Variants in PHLPP2 observed in about 807,000 individuals in gnomAD.
PHLPP2 encodes the protein PH domain and leucine rich repeat protein phosphatase 2.
Under a neutral mutation model 124.9 loss-of-function variants are expected in PHLPP2, and 66 were observed. The ratio of observed to expected loss-of-function variants is 0.53; its 90% CI spans 0.43 to 0.65. The LOEUF (loss-of-function observed/expected upper bound fraction) is 0.65, where lower values mean the gene tolerates loss of function less well. PHLPP2 is among the 30% of genes least tolerant of loss of function. PHLPP2 has a pLI of 0.00. For synonymous variants in PHLPP2, 681 were observed against 624.7 expected (o/e 1.09, Z -1.34); for missense variants, 1,685 against 1,600.4 (o/e 1.05, Z -0.90).
At chr16:71,699,239 C>A (rs1021562555) in intron 3 of PHLPP2, among the ~76,000 whole-genome samples, 1 of 152,116 alleles carries the variant, frequency 6.6e-6, no homozygotes, top group African/African-American at 2.4e-5. Flanking sequence ...AGCCAAAAAG[C>A]CTGAAACCTG....
At position 71,679,306 on chromosome 16, in the gene PHLPP2, T is replaced by C. The variant is rs528012885; in HGVS notation, c.1037+83A>G. 4 of 1,252,238 alleles carry C rather than the reference T, an allele frequency of 3.2e-6. No individual in the cohort carries two copies. The South Asian group carries it at 3.7e-5, about 12-fold the overall frequency. The allele number at this position is 1,252,238 out of a possible 1,614,324, so 77.6% of individuals were successfully genotyped here. A position where few individuals can be genotyped will look rare whatever the true frequency, so the allele number is the denominator to read the frequency against. On this transcript the variant is annotated intron_variant, in intron 7 of 18. Coordinates refer to ENST00000568954, the MANE Select transcript of PHLPP2 (RefSeq NM_015020.3). Reference sequence around the variant, plus strand: ...TACATGATATAGTTCACTGCAAGAGTTCAAGATACTACCTTCATTCCAAAC... The same window carrying C: ...TACATGATATAGTTCACTGCAAGAGCTCAAGATACTACCTTCATTCCAAAC...
chr16:71,670,144 G>A (rs2044878293), intron 10 of PHLPP2, among the ~76,000 whole-genome samples: 1 of 152,216 alleles, frequency 6.6e-6, no homozygotes, highest in Non-Finnish European at 1.5e-5. Context: ...GGCAACATGA[G>A]CTAGAGCACA....
chr16:71,665,626 T>A (rs1472297581), intron 12 of PHLPP2, among the ~76,000 whole-genome samples: 1 of 152,214 alleles, frequency 6.6e-6, no homozygotes, highest in Non-Finnish European at 1.5e-5. Flanking sequence ...GTACTGTGTG[T>A]CTGCTTGTGC....
At chr16:71,709,434 A>G (rs911388262) in intron 2 of PHLPP2, among the ~76,000 whole-genome samples, 5 of 152,200 alleles carry the variant, frequency 3.3e-5, no homozygotes, top group Non-Finnish European at 5.9e-5. Context: ...CTGGTTAATG[A>G]AAAAATAAAA....
chr16:71,694,521 T>C (rs575342983), intron 3 of PHLPP2, among the ~76,000 whole-genome samples: 2 of 152,070 alleles, frequency 1.3e-5, no homozygotes, highest in South Asian at 4.2e-4. Flanking sequence ...TTTAAACTTA[T>C]GCACAATAAA....
intron 10 of PHLPP2, 52 bp from the exon 11 acceptor site, chr16:71,669,422 C>G: frequency 7.8e-7 from 1 of 1,290,076 alleles, no homozygotes. Flanking sequence ...AAGTGGAACT[C>G]ATTTCAGTAG....
intron 4 of PHLPP2, among the ~76,000 whole-genome samples, chr16:71,686,044 T>TG (rs1476329190): frequency 1.3e-5 from 2 of 152,224 alleles, no homozygotes; most frequent in African/African-American, 4.8e-5. Context: ...AGGTGGAGGC[T>TG]GCAGTGAGCT....
chr16:71,691,460 C>CAAAT (rs57388026), intron 3 of PHLPP2, among the ~76,000 whole-genome samples: 2,634 of 139,454 alleles, frequency 0.019, 33 homozygotes, highest in Non-Finnish European at 0.029. Context: ...GACGCTGTCT[C>CAAAT]AAATAAATAA....
chr16:71,700,157 G>A (rs1471342519), intron 3 of PHLPP2, among the ~76,000 whole-genome samples: 3 of 152,116 alleles, frequency 2.0e-5, no homozygotes, highest in African/African-American at 7.2e-5. Context: ...AGCACTTTAG[G>A]AGGCCAAGAT....
At chr16:71,699,166 G>C (rs144625959) in intron 3 of PHLPP2, among the ~76,000 whole-genome samples, 12 of 152,154 alleles carry the variant, frequency 7.9e-5, no homozygotes, top group African/African-American at 2.9e-4. Flanking sequence ...AGTTTTGATA[G>C]AGACAGGAGG....
In PHLPP2 at chr16:71,714,601, G is replaced by C. The variant is rs749551255; in HGVS notation, c.195C>G (p.Val65=). ...SSSSSSDLHL[V]LCTVETPASE... ...ATGCTGGTGTCTCTACAGTGCAAAGGACGAGATGTAAGTCAGAGGAAGAGG... is the reference window on the plus strand; with the variant it reads ...ATGCTGGTGTCTCTACAGTGCAAAGCACGAGATGTAAGTCAGAGGAAGAGG... Residue 65 remains valine, a synonymous_variant, in exon 2 of 19, where the codon GTC becomes GTG. Coordinates refer to ENST00000568954, the MANE Select transcript of PHLPP2 (RefSeq NM_015020.3). The C allele has an allele frequency of 3.1e-6, 5 of 1,613,998 alleles. No individual in the cohort carries two copies. In the African/African-American group the frequency reaches 6.7e-5, roughly 22 times the overall value.
chr16:71,656,331 A>G (rs1596988621), intron 16 of PHLPP2, among the ~76,000 whole-genome samples: 1 of 152,186 alleles, frequency 6.6e-6, no homozygotes, highest in South Asian at 2.1e-4. Flanking sequence ...TAAAGAAAGT[A>G]GCATCTACCC....
At chr16:71,672,734 G>A (rs760723405) in intron 9 of PHLPP2, among the ~76,000 whole-genome samples, 3 of 152,124 alleles carry the variant, frequency 2.0e-5, no homozygotes, top group Middle Eastern at 3.2e-3. Context: ...ACCAACACCC[G>A]GATCAAGAAA....
intron 12 of PHLPP2, among the ~76,000 whole-genome samples, chr16:71,666,883 T>A (rs1434156587): frequency 6.6e-6 from 1 of 152,212 alleles, no homozygotes; most frequent in African/African-American, 2.4e-5. Context: ...TCTTTAAATA[T>A]CATAACTATA....
At position 71,644,938 on chromosome 16, in the gene PHLPP2, C is replaced by A; in HGVS notation, c.*3952G>T. 6.2e-6 allele frequency: 2 copies of A among 322,476 alleles called. 1 individual carries two copies. The highest frequency in any genetic ancestry group is 4.8e-5 in the South Asian group (2 of 41,610). The allele number at this position is 322,476 out of a possible 1,614,324, so 20.0% of individuals were successfully genotyped here. On this transcript the variant is annotated 3_prime_UTR_variant, in exon 19 of 19. Transcript: ENST00000568954. ...CAAGCACTCCATTTTAAAACAAAGC[C>A]ATGAAAAAGATTCCACTTTATTTTA...
intron 3 of PHLPP2, among the ~76,000 whole-genome samples, chr16:71,700,546 G>C (rs1197908230): frequency 1.1e-5 from 1 of 92,610 alleles, no homozygotes; most frequent in Non-Finnish European, 2.0e-5. Context: ...TTTTTTTTGA[G>C]ACAGAGTCTC....
At chr16:71,722,373 G>A (rs1485458479) in intron 1 of PHLPP2, among the ~76,000 whole-genome samples, 1 of 152,194 alleles carries the variant, frequency 6.6e-6, no homozygotes, top group African/African-American at 2.4e-5. Flanking sequence ...GGCAGAGGTT[G>A]CAGAGATCGA....
At chr16:71,707,886 A>G (rs1050229373) in intron 2 of PHLPP2, among the ~76,000 whole-genome samples, 12 of 152,162 alleles carry the variant, frequency 7.9e-5, no homozygotes, top group Admixed American at 2.0e-4. Context: ...TTGCCCTTTA[A>G]CTTGTGAATT....
intron 2 of PHLPP2, among the ~76,000 whole-genome samples, chr16:71,706,756 G>A (rs904754083): frequency 2.6e-5 from 4 of 151,700 alleles, no homozygotes; most frequent in Admixed American, 1.3e-4. Context: ...AACCTGTGTC[G>A]GTTTCATAAA....
Sources: allele counts gnomAD v4.1 joint callset (sites outside exome capture counted in the v4.1 genomes callset), GRCh38; gene constraint gnomAD v4.1.1; transcripts MANE v1.5; gene names NCBI Gene and HGNC (gene_info 2026-07-23, HGNC 2026-07-21).